Variants in ABR observed in about 807,000 individuals in gnomAD.
The protein encoded by ABR is active breakpoint cluster region-related protein.
In ABR, 35 loss-of-function variants were observed where a neutral mutation model predicts 107.2. The ratio of observed to expected loss-of-function variants is 0.33; its 90% CI spans 0.25 to 0.43. ABR has a LOEUF of 0.43. Among genes scored for constraint, ABR ranks in the 20% least tolerant of loss-of-function variants. ABR has a pLI of 1.00. For synonymous variants in ABR, 498 were observed against 462.0 expected, an observed-to-expected ratio of 1.08 and a Z score of -1.00; for missense variants, 815 against 1,115.2, an observed-to-expected ratio of 0.73 and a Z score of 3.83.
At position 1,179,013 on chromosome 17, in the gene ABR, T is replaced by C. The variant is rs1310223338; in HGVS notation, c.61+654A>G. Among the ~76,000 whole-genome samples, 1 of 151,584 alleles carries C rather than the reference T, an allele frequency of 6.6e-6. No individual in the cohort carries two copies. The highest frequency in any genetic ancestry group is 1.5e-5 in the Non-Finnish European group (1 of 67,838). ...GAACTCGAGAAGGTTTGTTTTTTTT[T>C]TCTTCTGAGGGTGGTGGTGATGATG... is the stretch of plus-strand genomic sequence containing the variant. On this transcript the variant is annotated intron_variant, in intron 1 of 22. Coordinates refer to ENST00000302538, the MANE Select transcript of ABR (RefSeq NM_021962.5). This position sits in a 1 kb window ranked among gnomAD's most constrained non-coding sequence, Gnocchi z 4.9.
intron 16 of ABR, among the ~76,000 whole-genome samples, chr17:1,018,274 C>T (rs1191354524): frequency 1.3e-5 from 2 of 150,800 alleles, no homozygotes; most frequent in South Asian, 4.2e-4. Context: ...GATCTCCTGA[C>T]CTCGTGATTC....
In ABR at chr17:1,148,033, A is replaced by G. The variant is rs1329364833; in HGVS notation, c.62-22666T>C. Among the ~76,000 whole-genome samples, 1 of 151,928 alleles carries G rather than the reference A, an allele frequency of 6.6e-6. No homozygotes were observed. The highest frequency in any genetic ancestry group is 1.5e-5 in the Non-Finnish European group (1 of 67,982). ...CATGATGGCCCCAGGCTGGTCAATG[A>G]CCCACCCACTCTCCCCAGGCTGGTC... On this transcript the variant is annotated intron_variant, in intron 1 of 22. Coordinates refer to ENST00000302538, the MANE Select transcript of ABR (RefSeq NM_021962.5). This position sits in a 1 kb window ranked among gnomAD's most constrained non-coding sequence, Gnocchi z 4.9.
Position 1,009,692 on chromosome 17 carries a change from C to G in ABR, c.2329G>C (p.Glu777Gln), listed in dbSNP as rs904773976. 1.9e-6 allele frequency: 3 copies of G among 1,613,358 alleles called. No individual in the cohort carries two copies. The African/African-American group carries it at 4.0e-5, about 22-fold the overall frequency. Residue 777 changes from glutamate to glutamine, a missense_variant, in exon 21 of 23, where the codon GAA becomes CAA. By Grantham distance (29) the Glu-to-Gln change is conservative. Around this residue, in one of 5 missense-constraint regions of ABR, gnomAD observed 175 missense variants for 284.3 expected, o/e 0.62. Coordinates refer to ENST00000302538, the MANE Select transcript of ABR (RefSeq NM_021962.5). ...PNLITFLFLL[E>Q]HLKRVAEKEP... ...GCTCCCCGTTACCTTTTCAAGTGTT[C>G]CAGCAGGAAGAGGAAGGTGATGAGG...
intron 2 of ABR, among the ~76,000 whole-genome samples, chr17:1,123,458 G>A (rs563288273): frequency 7.2e-5 from 11 of 152,338 alleles, no homozygotes; most frequent in East Asian, 5.8e-4. Context: ...GCATCTGTGC[G>A]TGACGCCCGT....
intron 3 of ABR, among the ~76,000 whole-genome samples, chr17:1,093,895 C>T (rs1023934221): frequency 5.3e-5 from 8 of 152,184 alleles, no homozygotes; most frequent in African/African-American, 9.7e-5. Context: ...CTTCATCCTC[C>T]GAGCTCTAAA....
At chr17:1,178,829 A>AGC (rs1435001085) in intron 1 of ABR, among the ~76,000 whole-genome samples, 1 of 141,470 alleles carries the variant, frequency 7.1e-6, no homozygotes, top group African/African-American at 2.7e-5. Flanking sequence ...GTGCCTTTCT[A>AGC]GCAACGGAGC....
At chr17:1,189,141 AG>A (rs2042378671), upstream of ABR, among the ~76,000 whole-genome samples, 3 of 152,134 alleles carry the variant, frequency 2.0e-5, no homozygotes, top group Non-Finnish European at 1.5e-5. Flanking sequence ...AGAGTGAAGA[AG>A]GGTGAGACTC....
intron 6 of ABR, chr17:1,079,006 A>AG (rs2035978404): frequency 8.4e-7 from 1 of 1,194,506 alleles, no homozygotes; most frequent in South Asian, 1.5e-5. Flanking sequence ...TCTTCCAGCA[A>AG]GGGGGAGGGG....
chr17:1,191,338 CCA>C (rs1473303369), upstream of ABR, among the ~76,000 whole-genome samples: 16 of 150,134 alleles, frequency 1.1e-4, no homozygotes, highest in South Asian at 3.4e-3. Flanking sequence ...TCTGGATGTT[CCA>C]GCATTTTTCT....
intron 1 of ABR, among the ~76,000 whole-genome samples, chr17:1,158,925 T>G (rs1598008291): frequency 6.6e-6 from 1 of 152,164 alleles, no homozygotes; most frequent in South Asian, 2.1e-4. Context: ...CAGCCTAGGA[T>G]TACCCAGAGA....
At chr17:1,091,522 C>T (rs921636244) in intron 4 of ABR, 143 bp downstream of exon 4, 3 of 944,576 alleles carry the variant, frequency 3.2e-6, no homozygotes, top group Non-Finnish European at 3.1e-6. Flanking sequence ...AACACACAGG[C>T]CCAGGCCTTC....
chr17:1,158,097 C>T (rs1026056577), intron 1 of ABR, among the ~76,000 whole-genome samples: 4 of 152,108 alleles, frequency 2.6e-5, no homozygotes, highest in Non-Finnish European at 5.9e-5. Context: ...GCCATTTATT[C>T]CTGCAATGGA....
At chr17:1,054,389 C>T (rs910739540) in intron 14 of ABR, among the ~76,000 whole-genome samples, 3 of 152,314 alleles carry the variant, frequency 2.0e-5, no homozygotes, top group South Asian at 4.1e-4. Flanking sequence ...CAGTGGGAGA[C>T]GCAAATTGTT....
At chr17:1,067,594 CCCTTCTAGACTATCCGTGTTCAATAT>C (rs1288437939) in intron 9 of ABR, among the ~76,000 whole-genome samples, 1 of 152,352 alleles carries the variant, frequency 6.6e-6, no homozygotes, top group Non-Finnish European at 1.5e-5. Flanking sequence ...TCCCCTCCCT[CCCTTCTAGACTATCCGTGTTCAATAT>C]CCTTCAGGCT....
chr17:1,173,316 TCACCTCAGCCCACC>T (rs1326596892), intron 1 of ABR, among the ~76,000 whole-genome samples: 7 of 64,802 alleles, frequency 1.1e-4, no homozygotes, highest in African/African-American at 3.5e-4. Flanking sequence ...ACCCCCCCCA[TCACCTCAGCCCACC>T]CAACACATCA....
chr17:1,084,567 C>G lies in ABR; in HGVS notation c.532-940G>C, dbSNP rs2036471200. Reference sequence around the variant, plus strand: ...ACAGAGCCTCGCCTCTTCTGAGAGGCAGGGCAGACCCCATCGCCCCTTTCT... The same window carrying G: ...ACAGAGCCTCGCCTCTTCTGAGAGGGAGGGCAGACCCCATCGCCCCTTTCT... On this transcript the variant is annotated intron_variant, in intron 4 of 22. Transcript: ENST00000302538. The surrounding 1 kb of genome is among the most constrained non-coding windows in gnomAD (Gnocchi z 4.2). Among the ~76,000 whole-genome samples, 1 of 152,136 alleles carries G rather than the reference C, an allele frequency of 6.6e-6. No homozygotes were observed. The highest frequency in any genetic ancestry group is 2.1e-4 in the South Asian group (1 of 4,826).
In ABR at chr17:1,050,441, T is replaced by A. The variant is rs2032338446; in HGVS notation, c.1659+96A>T. 8.3e-7 allele frequency: 1 copy of A among 1,205,748 alleles called. No homozygotes were observed. Among genetic ancestry groups the A allele is most frequent in the African/African-American group, 1.5e-5 (1 of 67,032 alleles). The allele number at this position is 1,205,748 out of a possible 1,614,324, so 74.7% of individuals were successfully genotyped here. A position where few individuals can be genotyped will look rare whatever the true frequency, so the allele number is the denominator to read the frequency against. ...GGGAGCAGAAAGGGGGGTGCAGACA[T>A]AGCTGGTCCAACCAATGGGCTGGCC... On this transcript the variant is annotated intron_variant, in intron 15 of 22. Coordinates refer to ENST00000302538, the MANE Select transcript of ABR (RefSeq NM_021962.5). The surrounding 1 kb of genome is among the most constrained non-coding windows in gnomAD (Gnocchi z 4.6).
upstream of ABR, among the ~76,000 whole-genome samples, chr17:1,182,833 T>C (rs1030529324): frequency 2.6e-5 from 4 of 152,170 alleles, no homozygotes; most frequent in African/African-American, 9.7e-5. Context: ...TCAGACAACG[T>C]GTCTCAGGAA....
chr17:1,208,719 T>C (rs572049016), intron 1 of ABR, among the ~76,000 whole-genome samples: 58 of 152,092 alleles, frequency 3.8e-4, no homozygotes, highest in African/African-American at 1.4e-3. Context: ...AAACCCCATC[T>C]CTACTAAAAA....
Sources: allele counts gnomAD v4.1 joint callset (sites outside exome capture counted in the v4.1 genomes callset), GRCh38; gene constraint gnomAD v4.1.1; regional missense constraint gnomAD v4.1.1; non-coding constraint Gnocchi (gnomAD v3.1); transcripts MANE v1.5; gene names NCBI Gene and HGNC (gene_info 2026-07-23, HGNC 2026-07-21).